WDR4: variants seen among roughly 807,000 people sequenced by gnomAD.
WDR4 encodes the protein tRNA (guanine-N(7)-)-methyltransferase non-catalytic subunit WDR4.
A neutral mutation model predicts 48.6 loss-of-function variants in WDR4; 47 were observed. That is an observed-to-expected ratio of 0.97 (90% CI 0.77 to 1.23). The LOEUF is 1.23. Ranked by LOEUF, WDR4 falls within the 50% of genes most tolerant of loss-of-function variation. WDR4 has a pLI of 0.00. For missense variants in WDR4, 606 were observed against 551.6 expected (o/e 1.10, Z -0.99); for synonymous variants, 268 against 230.0 (o/e 1.17, Z -1.49).
At chr21:42,850,838 T>C (rs2057806303) in intron 10 of WDR4, among the ~76,000 whole-genome samples, 1 of 152,154 alleles carries the variant, frequency 6.6e-6, no homozygotes, top group Non-Finnish European at 1.5e-5. Flanking sequence ...ATCTACTTTA[T>C]CTAAGTGCCA....
chr21:42,853,444 G>T, intron 9 of WDR4, 125 bp downstream of exon 9: 1 of 1,132,408 alleles, frequency 8.8e-7, no homozygotes. Flanking sequence ...CACAGACCCT[G>T]GGCCCCAGAA....
chr21:42,859,593 A>AGGCC, intron 6 of WDR4, 69 bp downstream of exon 6: 1 of 553,760 alleles, frequency 1.8e-6, no homozygotes, highest in Non-Finnish European at 3.1e-6. Flanking sequence ...CAGGTCCAGG[A>AGGCC]GGCGCCCACC....
rs527327561 is a variant in WDR4, at chr21:42,850,486, C to A, written c.1046-244G>T. 3.3e-5 allele frequency among the ~76,000 whole-genome samples: 5 copies of A among 152,336 alleles called. No homozygotes were observed. In the East Asian group the frequency reaches 5.8e-4, roughly 18 times the overall value. On this transcript the variant is annotated intron_variant, in intron 10 of 10. Coordinates refer to ENST00000398208, the MANE Select transcript of WDR4 (RefSeq NM_018669.6). ...TGAAAGAATGTAATGGAAACCAGGGCACCAAGGCTGGGCCTCCACCCCGCC... is the reference window on the plus strand; with the variant it reads ...TGAAAGAATGTAATGGAAACCAGGGAACCAAGGCTGGGCCTCCACCCCGCC...
At chr21:42,845,462 G>A (rs1424075642), downstream of WDR4, among the ~76,000 whole-genome samples, 1 of 152,222 alleles carries the variant, frequency 6.6e-6, no homozygotes, top group Non-Finnish European at 1.5e-5. Flanking sequence ...TCTCTGCCAT[G>A]GTAACCTTTG....
Position 42,856,685 on chromosome 21 carries a change from A to G in WDR4, c.628-905T>C, listed in dbSNP as rs542677540. ...AGTATTTTTAAATGACTAAATGAAA[A>G]AGATGAAAAGTAAATACCCCAAACA... is the stretch of plus-strand genomic sequence containing the variant. On this transcript the variant is annotated intron_variant, in intron 6 of 10. Transcript: ENST00000398208. 4.6e-5 allele frequency among the ~76,000 whole-genome samples: 7 copies of G among 152,338 alleles called. No individual in the cohort carries two copies. The East Asian group carries it at 1.3e-3, about 29-fold the overall frequency.
intron 8 of WDR4, among the ~76,000 whole-genome samples, 179 bp from the exon 9 acceptor site, chr21:42,853,931 CT>C (rs1188077561): frequency 6.6e-6 from 1 of 152,158 alleles, no homozygotes; most frequent in African/African-American, 2.4e-5. Context: ...GTGACGTACA[CT>C]TTTTTAAGTC....
At chr21:42,887,733 C>T in the WDR4 span, among the ~76,000 whole-genome samples, 2 of 152,196 alleles carry the variant, frequency 1.3e-5, no homozygotes, top group African/African-American at 4.8e-5. Context: ...GCCTGGCCAA[C>T]ATGGTGAAAC....
rs75022523 is a variant in WDR4 at position 42,854,032 on chromosome 21, C to T, written c.792-280G>A. Among the ~76,000 whole-genome samples, 1,082 of 152,310 alleles carry T rather than the reference C, an allele frequency of 7.1e-3. 4 individuals are homozygous for T. Among genetic ancestry groups the T allele is most frequent in the Non-Finnish European group, 0.011 (741 of 68,014 alleles). ...GGAGGACGCAGGCCCTGGGCTCAGG[C>T]GCAGCTCTCCTCTCACACCTGCGTA... On this transcript the variant is annotated intron_variant, in intron 8 of 10. Coordinates refer to ENST00000398208, the MANE Select transcript of WDR4 (RefSeq NM_018669.6).
chr21:42,847,025 G>A (rs1020527453), downstream of WDR4, among the ~76,000 whole-genome samples: 19 of 98,860 alleles, frequency 1.9e-4, no homozygotes, highest in Admixed American at 1.5e-3. Flanking sequence ...GCAACAGAGC[G>A]AGACTCTGTC....
Position 42,854,674 on chromosome 21 carries a change from G to A in WDR4, c.727-48C>T, listed in dbSNP as rs779672432. 56 of 1,581,018 alleles carry A rather than the reference G, an allele frequency of 3.5e-5. 1 individual carries two copies. The South Asian group carries it at 4.2e-4, about 12-fold the overall frequency. ...AACTTCACGCCACCTGCAGGGGCCCGACGCCGGGCGCTCTGATCCAACAAG... is the reference window on the plus strand; with the variant it reads ...AACTTCACGCCACCTGCAGGGGCCCAACGCCGGGCGCTCTGATCCAACAAG... On this transcript the variant is annotated intron_variant, in intron 7 of 10. Transcript: ENST00000398208.
Position 42,862,359 on chromosome 21 carries a change from G to T in WDR4, c.489C>A (p.Ala163=). Residue 163 remains alanine (A), a synonymous_variant, in exon 5 of 11, where the codon GCC becomes GCA. Transcript: ENST00000398208. The surrounding 1 kb of genome is among the most constrained non-coding windows in gnomAD (Gnocchi z 4.3). ...TGACTCGGATCTTCTCGTCCCGGTC[G>T]GCAGTGAGGATGAAGCGGTCATCAG... is the stretch of plus-strand genomic sequence containing the variant. ...VSPDDRFILT[A]DRDEKIRVSW... The T allele has an allele frequency of 6.2e-7, 1 of 1,611,260 alleles. No homozygotes were observed. The highest frequency in any genetic ancestry group is 8.5e-7 in the Non-Finnish European group (1 of 1,178,904).
intron 3 of WDR4, among the ~76,000 whole-genome samples, chr21:42,873,344 C>T (rs1282567527): frequency 6.6e-6 from 1 of 152,198 alleles, no homozygotes; most frequent in African/African-American, 2.4e-5. Context: ...TGGGACAGAA[C>T]AGCACCCCTG....
At chr21:42,846,254 A>G (rs762578276), downstream of WDR4, among the ~76,000 whole-genome samples, 46 of 152,240 alleles carry the variant, frequency 3.0e-4, no homozygotes, top group Non-Finnish European at 3.5e-4. Flanking sequence ...ATTTTCACAC[A>G]ATGGAGTACT....
the WDR4 span, among the ~76,000 whole-genome samples, chr21:42,886,544 A>C: frequency 6.6e-6 from 1 of 152,136 alleles, no homozygotes. Context: ...ATGTTTCTAG[A>C]TGTTCCATGG....
intron 10 of WDR4, among the ~76,000 whole-genome samples, chr21:42,850,812 A>T (rs980702086): frequency 1.3e-5 from 2 of 152,180 alleles, no homozygotes; most frequent in Non-Finnish European, 2.9e-5. Context: ...CGCCACAGGG[A>T]ATGGACACGG....
At chr21:42,879,165 T>A in intron 1 of WDR4, 1 of 1,311,286 alleles carries the variant, frequency 7.6e-7, no homozygotes, top group Non-Finnish European at 9.7e-7. Context: ...ACCAGCCATC[T>A]AGTGCAAGGA....
chr21:42,881,685 T>C (rs1474997306), upstream of WDR4, among the ~76,000 whole-genome samples: 1 of 152,192 alleles, frequency 6.6e-6, no homozygotes. Context: ...AGACTTCTAG[T>C]CCAAAGCTAA....
At chr21:42,876,216 C>CTTTTTTT (rs1491253275) in intron 2 of WDR4, among the ~76,000 whole-genome samples, 9 of 60,924 alleles carry the variant, frequency 1.5e-4, no homozygotes, top group African/African-American at 4.3e-4. Flanking sequence ...TAACACTGTA[C>CTTTTTTT]TCTTTTTTTT....
upstream of WDR4, chr21:42,879,633 C>A: frequency 1.8e-6 from 2 of 1,087,782 alleles, no homozygotes; most frequent in Non-Finnish European, 2.6e-6. Context: ...ACGAGCCTGC[C>A]TTGAGCATGC....
Sources: gnomAD v4.1 joint callset for allele counts (sites outside exome capture counted in the v4.1 genomes callset) on GRCh38, gnomAD v4.1.1 for gene constraint, Gnocchi (gnomAD v3.1) non-coding constraint, MANE v1.5 for transcripts, NCBI Gene and HGNC (gene_info 2026-07-23, HGNC 2026-07-21) for gene names.